The following PRRC2A variants were observed in gnomAD, a reference collection of about 807,000 sequenced individuals.
PRRC2A encodes the protein proline rich coiled-coil 2A.
PRRC2A carries 59 observed loss-of-function variants against 224.6 expected under a neutral mutation model. The observed-to-expected ratio is 0.26, with a 90% confidence interval of 0.21 to 0.33. The LOEUF (loss-of-function observed/expected upper bound fraction) is 0.33, where lower values mean the gene tolerates loss of function less well. Ranked by LOEUF, PRRC2A falls within the 10% of genes least tolerant of loss-of-function variation. The pLI is 1.00. For synonymous variants in PRRC2A, 1,194 were observed against 1,109.5 expected, an observed-to-expected ratio of 1.08 and a Z score of -1.51; for missense variants, 3,095 against 2,880.7, an observed-to-expected ratio of 1.07 and a Z score of -1.70.
Position 31,631,097 on chromosome 6 carries a change from T to C in PRRC2A, c.2466-42T>C. 7.0e-7 allele frequency: 1 copy of C among 1,433,506 alleles called. No individual in the cohort carries two copies. Among genetic ancestry groups the C allele is most frequent in the Non-Finnish European group, 9.4e-7 (1 of 1,061,236 alleles). 88.8% of individuals were successfully genotyped at this position (1,433,506 alleles called of 1,614,324 possible). On this transcript the variant is annotated intron_variant, in intron 15 of 30. Coordinates refer to ENST00000376033, the MANE Select transcript of PRRC2A (RefSeq NM_004638.4). This position sits in a 1 kb window ranked among gnomAD's most constrained non-coding sequence, Gnocchi z 4.5. ...TTCTTTTCCCACCTAGTTCTGGTTT[T>C]CCTGAGATACTTATTTCCATTCTTT...
In PRRC2A at chr6:31,625,285, C is replaced by G. The variant is rs1247074429; in HGVS notation, c.578C>G (p.Ser193Cys). The G allele has an allele frequency of 6.2e-7, 1 of 1,613,510 alleles. No homozygotes were observed. Among genetic ancestry groups the G allele is most frequent in the Non-Finnish European group, 8.5e-7 (1 of 1,180,040 alleles). Residue 193 changes from serine to cysteine, a missense_variant, in exon 6 of 31, where the codon TCT becomes TGT. Physicochemically the swap from Ser to Cys is moderately radical, Grantham distance 112. This residue lies in a region of PRRC2A where 287 missense variants were observed against 275.3 expected (regional missense o/e 1.04). Coordinates refer to ENST00000376033, the MANE Select transcript of PRRC2A (RefSeq NM_004638.4). This position sits in a 1 kb window ranked among gnomAD's most constrained non-coding sequence, Gnocchi z 4.1. ...AKERESAEQS[S>C]GPGPSLRPQN... ...GAAAGGGAGTCTGCCGAACAGTCGT[C>G]TGGGCCCGGACCAAGCCTCCGCCCC...
At chr6:31,634,015 T>C (rs748271292) in intron 18 of PRRC2A, 26 bp downstream of exon 18, 59 of 1,595,718 alleles carry the variant, frequency 3.7e-5, no homozygotes, top group Non-Finnish European at 5.0e-5. Flanking sequence ...GAGATTGTGC[T>C]TCACTGCACT....
rs765218487 is a variant in PRRC2A at position 31,622,886 on chromosome 6, A to C, written c.97A>C (p.Ile33Leu). 1 of 1,613,890 alleles carries C rather than the reference A, an allele frequency of 6.2e-7. No homozygotes were observed. Among genetic ancestry groups the C allele is most frequent in the South Asian group, 1.1e-5 (1 of 91,080 alleles). The change falls in exon 2 of 31, where the codon ATC becomes CTC. Residue 33 changes from isoleucine to leucine, a missense_variant. This residue lies in a region of PRRC2A where 64 missense variants were observed against 68.2 expected (regional missense o/e 0.94). Coordinates refer to ENST00000376033, the MANE Select transcript of PRRC2A (RefSeq NM_004638.4). ...FDTYKGKSLE[I>L]QKPAVAPRHG... ...TACGTATAAGGGCAAGTCCTTAGAGATCCAGAAACCCGCTGGTGAGAGTCC... is the reference window on the plus strand; with the variant it reads ...TACGTATAAGGGCAAGTCCTTAGAGCTCCAGAAACCCGCTGGTGAGAGTCC...
At chr6:31,635,075 T>C in intron 21 of PRRC2A, 57 bp from the exon 22 acceptor site, 2 of 1,601,852 alleles carry the variant, frequency 1.2e-6, no homozygotes, top group South Asian at 2.2e-5. Flanking sequence ...TTCTGGGCAT[T>C]CCAATTTGGA....
Position 31,637,455 on chromosome 6 carries a change from C to G in PRRC2A, c.6343C>G (p.Pro2115Ala). 6.3e-7 allele frequency: 1 copy of G among 1,579,116 alleles called. No homozygotes were observed. Among genetic ancestry groups the G allele is most frequent in the Non-Finnish European group, 8.6e-7 (1 of 1,160,200 alleles). Residue 2115 changes from proline (P) to alanine (A), a missense_variant, in exon 31 of 31, where the codon CCA (proline) becomes GCA (alanine). Pro to Ala is a conservative substitution (Grantham distance 27). Transcript: ENST00000376033. Reference sequence around the variant, plus strand: ...CATGCCTGTCCCCTAGGCCTCCCCACCAGATGCCCTGCGCTGGATACCTAA... The same window carrying G: ...CATGCCTGTCCCCTAGGCCTCCCCAGCAGATGCCCTGCGCTGGATACCTAA... Reference protein sequence around the residue: ...RVDLYQQASPPDALRWIPKPW... With the variant: ...RVDLYQQASPADALRWIPKPW...
intron 3 of PRRC2A, 122 bp downstream of exon 3, chr6:31,624,031 A>G (rs3130070): frequency 0.17 from 216,798 of 1,248,878 alleles, 20,628 homozygotes; most frequent in African/African-American, 0.2. Flanking sequence ...TTTCTTACCT[A>G]TTGCAGGTTC....
intron 1 of PRRC2A, among the ~76,000 whole-genome samples, chr6:31,621,467 C>G (rs1233170954): frequency 6.6e-6 from 1 of 152,018 alleles, no homozygotes; most frequent in Non-Finnish European, 1.5e-5. Flanking sequence ...CCTCTGCCCC[C>G]TTACTTCGTT....
At position 31,627,078 on chromosome 6, in the gene PRRC2A, G is replaced by A. The variant is rs148260400; in HGVS notation, c.1170G>A (p.Thr390=). ...SPNSEPPTPK[T]AWAETSRPPE... ...ACAGCGAACCGCCCACTCCTAAGAC[G>A]GCCTGGGCAGAAACCTCTCGGCCTC... The change falls in exon 11 of 31, where the codon ACG becomes ACA. Residue 390 remains threonine, a synonymous_variant. Transcript: ENST00000376033. This position sits in a 1 kb window ranked among gnomAD's most constrained non-coding sequence, Gnocchi z 5.6. 3.1e-5 allele frequency: 50 copies of A among 1,614,138 alleles called. No individual in the cohort carries two copies. The highest frequency in any genetic ancestry group is 2.8e-4 in the African/African-American group (21 of 75,016).
Position 31,627,329 on chromosome 6 carries a change from AC to A in PRRC2A, c.1290+132del. 1 of 673,396 alleles carries A rather than the reference AC, an allele frequency of 1.5e-6. No individual in the cohort carries two copies. Among genetic ancestry groups the A allele is most frequent in the Non-Finnish European group, 2.5e-6 (1 of 397,128 alleles). The allele number at this position is 673,396 out of a possible 1,614,324, so 41.7% of individuals were successfully genotyped here. A position where few individuals can be genotyped will look rare whatever the true frequency, so the allele number is the denominator to read the frequency against. ...GCTGTGTGAAGTGCCAGGCTGCAGA[AC>A]ATCCTGGGAAGCTTTTAAATATCTT... On this transcript the variant is annotated intron_variant, in intron 11 of 30. Transcript: ENST00000376033. This position sits in a 1 kb window ranked among gnomAD's most constrained non-coding sequence, Gnocchi z 5.6.
chr6:31,625,509 G>A lies in PRRC2A; in HGVS notation c.657G>A (p.Glu219=). ...DGGGRGPDEL[E]GPDSKLHHGH... is the part of the protein sequence containing the mutation. Reference sequence around the variant, plus strand: ...GTGGGCGTGGCCCTGATGAGCTGGAGGGCCCGGACTCCAAACTTCATCATG... The same window carrying A: ...GTGGGCGTGGCCCTGATGAGCTGGAAGGCCCGGACTCCAAACTTCATCATG... Residue 219 remains glutamate (E), a synonymous_variant, in exon 7 of 31, where the codon GAG becomes GAA. Transcript: ENST00000376033. This position sits in a 1 kb window ranked among gnomAD's most constrained non-coding sequence, Gnocchi z 4.1. The A allele has an allele frequency of 6.3e-7, 1 of 1,583,676 alleles. No homozygotes were observed. The highest frequency in any genetic ancestry group is 8.6e-7 in the Non-Finnish European group (1 of 1,161,168).
chr6:31,631,621 C>T lies in PRRC2A; in HGVS notation c.2948C>T (p.Pro983Leu), dbSNP rs373114459. 4 of 1,526,694 alleles carry T rather than the reference C, an allele frequency of 2.6e-6. No homozygotes were observed. In the African/African-American group the frequency reaches 5.6e-5, roughly 21 times the overall value. 94.6% of individuals were successfully genotyped at this position (1,526,694 alleles called of 1,614,324 possible). A position where few individuals can be genotyped will look rare whatever the true frequency, so the allele number is the denominator to read the frequency against. ...ACCCCCAAACCCCCAAAGCCAGACCCACTCAAGATAACCAAGGGGAAGCTA... is the reference window on the plus strand; with the variant it reads ...ACCCCCAAACCCCCAAAGCCAGACCTACTCAAGATAACCAAGGGGAAGCTA... Reference protein sequence around the residue: ...DETPKPPKPDPLKITKGKLGG... With the variant: ...DETPKPPKPDLLKITKGKLGG... The change falls in exon 16 of 31, where the codon CCA becomes CTA. Residue 983 changes from proline (P) to leucine (L), a missense_variant. Around this residue, in one of 8 missense-constraint regions of PRRC2A, gnomAD observed 2,001 missense variants for 1,764.9 expected, o/e 1.13. Coordinates refer to ENST00000376033, the MANE Select transcript of PRRC2A (RefSeq NM_004638.4). The surrounding 1 kb of genome is among the most constrained non-coding windows in gnomAD (Gnocchi z 4.5).
intron 3 of PRRC2A, 56 bp from the exon 4 acceptor site, chr6:31,624,205 G>A: frequency 1.3e-6 from 2 of 1,503,962 alleles, no homozygotes; most frequent in Non-Finnish European, 1.8e-6. Context: ...TCCACCAGTT[G>A]GAGAAGTCAG....
At chr6:31,633,781 T>G in intron 17 of PRRC2A, 78 bp from the exon 18 acceptor site, 1 of 1,532,474 alleles carries the variant, frequency 6.5e-7, no homozygotes, top group Non-Finnish European at 8.7e-7. Context: ...GGTAGAAGAA[T>G]TGGGAGGTGG....
intron 1 of PRRC2A, among the ~76,000 whole-genome samples, chr6:31,622,431 C>G (rs916421802): frequency 3.9e-5 from 6 of 152,174 alleles, no homozygotes; most frequent in African/African-American, 1.4e-4. Context: ...TAGGGAATTA[C>G]TCTTTGTAGA....
At position 31,634,152 on chromosome 6, in the gene PRRC2A, G is replaced by A. The variant is rs1777035765; in HGVS notation, c.4720-84G>A. On this transcript the variant is annotated intron_variant, in intron 18 of 30. Transcript: ENST00000376033. Reference sequence around the variant, plus strand: ...GTCTCCCTTGTTGTCCCCACACCCTGTGTCACCCCACTCTGTCCTGGCTTC... The same window carrying A: ...GTCTCCCTTGTTGTCCCCACACCCTATGTCACCCCACTCTGTCCTGGCTTC... 4.5e-6 allele frequency: 7 copies of A among 1,567,628 alleles called. No homozygotes were observed. In the East Asian group the frequency reaches 1.6e-4, roughly 35 times the overall value.
chr6:31,633,219 A>G (rs1363367019), intron 16 of PRRC2A, among the ~76,000 whole-genome samples, 160 bp from the exon 17 acceptor site: 2 of 152,226 alleles, frequency 1.3e-5, no homozygotes, highest in Non-Finnish European at 2.9e-5. Context: ...TTTGCTTTCC[A>G]GTCTGTGCAT....
In PRRC2A at chr6:31,634,250, T is replaced by A. The variant is rs545106279; in HGVS notation, c.4734T>A (p.Pro1578=). Residue 1578 remains proline (P), a synonymous_variant, in exon 19 of 31, where the codon CCT becomes CCA. Coordinates refer to ENST00000376033, the MANE Select transcript of PRRC2A (RefSeq NM_004638.4). The part of the protein sequence containing the change: ...PELLQEESLP[P]PHSSGFLGSK... ...CTCATCTGTAGGAATCTTTGCCACC[T>A]CCTCATAGCTCTGGATTCTTGGGCT... 6.4e-5 allele frequency: 101 copies of A among 1,581,668 alleles called. 1 individual carries two copies. In the South Asian group the frequency reaches 1.1e-3, roughly 17 times the overall value.
rs754144343 is a variant in PRRC2A, at chr6:31,634,963, G to C, written c.5146G>C (p.Asp1716His). 2.5e-6 allele frequency: 4 copies of C among 1,612,476 alleles called. No individual in the cohort carries two copies. Among genetic ancestry groups the C allele is most frequent in the South Asian group, 2.2e-5 (2 of 91,076 alleles). ...PPRRPPPAPH[D>H]GDRKELPREQ... Reference sequence around the variant, plus strand: ...TAGGAGACCACCACCTGCCCCCCACGATGGGGACAGAAAGGTAAAAGACCA... The same window carrying C: ...TAGGAGACCACCACCTGCCCCCCACCATGGGGACAGAAAGGTAAAAGACCA... The change falls in exon 21 of 31, where the codon GAT (aspartate) becomes CAT (histidine). Residue 1716 changes from aspartate to histidine, a missense_variant. Coordinates refer to ENST00000376033, the MANE Select transcript of PRRC2A (RefSeq NM_004638.4).
At chr6:31,628,467 G>A (rs1054230296) in intron 12 of PRRC2A, among the ~76,000 whole-genome samples, 6 of 152,140 alleles carry the variant, frequency 3.9e-5, no homozygotes, top group African/African-American at 1.2e-4. Context: ...TGTAGCTCAC[G>A]CCTATAATCC....
Sources: gnomAD v4.1 joint callset for allele counts (sites outside exome capture counted in the v4.1 genomes callset) on GRCh38, gnomAD v4.1.1 for gene constraint, gnomAD v4.1.1 regional missense constraint, Gnocchi (gnomAD v3.1) non-coding constraint, MANE v1.5 for transcripts, NCBI Gene and HGNC (gene_info 2026-07-23, HGNC 2026-07-21) for gene names.